The following ZNF124 variants were observed in gnomAD, a reference collection of about 807,000 sequenced individuals.
ZNF124 encodes the protein zinc finger protein 124, also known as zinc finger protein HZF-16.
A neutral mutation model predicts 26.6 loss-of-function variants in ZNF124; 25 were observed. The ratio of observed to expected loss-of-function variants is 0.94; its 90% CI spans 0.68 to 1.31. The LOEUF is 1.31. ZNF124 is among the 40% of genes most tolerant of loss of function. The pLI is 0.00. For missense variants in ZNF124, 444 were observed against 422.2 expected (o/e 1.05, Z -0.45); for synonymous variants, 129 against 133.3 (o/e 0.97, Z 0.22).
chr1:247,170,658 C>G lies in ZNF124; in HGVS notation c.30+1190G>C, dbSNP rs535506591. Among the ~76,000 whole-genome samples, 330 of 143,814 alleles carry G rather than the reference C, an allele frequency of 2.3e-3. 5 individuals are homozygous for G. The highest frequency in any genetic ancestry group is 8.6e-3 in the African/African-American group (303 of 35,400). The allele number at this position is 143,814 out of a possible 152,430, so 94.3% of individuals were successfully genotyped here. ...AACCCAGCTCCCCAAGTGAGCAATT[C>G]CTGTCCCTTTTAAGGGCTTACAACT... On this transcript the variant is annotated intron_variant, in intron 1 of 3. Transcript: ENST00000543802.
At chr1:247,163,088 C>G (rs1399339125) in intron 1 of ZNF124, among the ~76,000 whole-genome samples, 1 of 151,802 alleles carries the variant, frequency 6.6e-6, no homozygotes, top group Non-Finnish European at 1.5e-5. Context: ...AGGTAGAAAC[C>G]AAGAAATTAT....
chr1:247,158,451 C>G (rs1673278830), intron 3 of ZNF124, among the ~76,000 whole-genome samples: 1 of 152,168 alleles, frequency 6.6e-6, no homozygotes, highest in Non-Finnish European at 1.5e-5. Flanking sequence ...AAATAAAACT[C>G]TTCCTTATAA....
At chr1:247,161,550 TAGG>T (rs541462931) in intron 1 of ZNF124, among the ~76,000 whole-genome samples, 74 of 151,524 alleles carry the variant, frequency 4.9e-4, no homozygotes, top group African/African-American at 1.8e-3. Flanking sequence ...ATATTAAAAT[TAGG>T]AGAATTAAAA....
chr1:247,170,778 A>G (rs1015847238), intron 1 of ZNF124, among the ~76,000 whole-genome samples: 1 of 141,186 alleles, frequency 7.1e-6, no homozygotes, highest in Non-Finnish European at 1.5e-5. Flanking sequence ...ACGGAACAGA[A>G]CAGGACAGGG....
chr1:247,150,749 C>T (rs941621320), downstream of ZNF124, among the ~76,000 whole-genome samples: 4 of 151,146 alleles, frequency 2.6e-5, no homozygotes, highest in African/African-American at 9.7e-5. Context: ...AAATGGAATT[C>T]CTAGCCACAA....
chr1:247,138,858 T>C (rs1672555010), intron 3 of ZNF124: 2 of 397,324 alleles, frequency 5.0e-6, no homozygotes, highest in Non-Finnish European at 8.9e-6. Flanking sequence ...GGGAACTGCT[T>C]AGGGCAAACC....
rs542419543 is a variant in ZNF124, at chr1:247,126,107, A to G, written c.219-2236T>C. ...TGAAACCCGTCTCTACTAAAGATAC[A>G]AAAATTATTATTATATTGTACCCTA... On this transcript the variant is annotated intron_variant, in intron 3 of 3. Transcript: ENST00000472531. Among the ~76,000 whole-genome samples the G allele has an allele frequency of 2.6e-5, 4 of 152,290 alleles. No homozygotes were observed. The East Asian group carries it at 7.7e-4, about 29-fold the overall frequency.
intron 3 of ZNF124, among the ~76,000 whole-genome samples, chr1:247,158,663 CTT>C (rs768660825): frequency 9.3e-5 from 14 of 151,050 alleles, no homozygotes; most frequent in South Asian, 2.1e-4. Context: ...GTGTTTTGCT[CTT>C]GTTTCCCTGG....
At chr1:247,123,519 G>T in exon 4 of ZNF124, 3 of 230,448 alleles carry the variant, frequency 1.3e-5, no homozygotes, top group East Asian at 8.7e-5. Flanking sequence ...TTTGTTAATA[G>T]CTTTATTGGG....
downstream of ZNF124, among the ~76,000 whole-genome samples, chr1:247,154,391 CTG>C (rs1397833500): frequency 6.6e-6 from 1 of 152,186 alleles, no homozygotes; most frequent in Non-Finnish European, 1.5e-5. Context: ...TCTGCCAGGA[CTG>C]TAAGTTTCCT....
chr1:247,123,778 A>G (rs1032687633), exon 4 of ZNF124: 7 of 696,146 alleles, frequency 1.0e-5, no homozygotes, highest in Non-Finnish European at 1.8e-5. Context: ...TGGGCTTTGG[A>G]GTCACGAAGT....
intron 1 of ZNF124, among the ~76,000 whole-genome samples, chr1:247,161,091 T>C (rs769547756): frequency 2.6e-5 from 4 of 152,214 alleles, no homozygotes; most frequent in Non-Finnish European, 5.9e-5. Flanking sequence ...GAAACTACTT[T>C]TCAAAACCTA....
At chr1:247,140,585 T>C (rs1386883396) in intron 3 of ZNF124, among the ~76,000 whole-genome samples, 1 of 152,244 alleles carries the variant, frequency 6.6e-6, no homozygotes, top group Non-Finnish European at 1.5e-5. Flanking sequence ...TTCTTTCTCA[T>C]GTCTGCAGGT....
chr1:247,162,765 C>T (rs896743467), intron 1 of ZNF124, among the ~76,000 whole-genome samples: 3 of 152,074 alleles, frequency 2.0e-5, no homozygotes, highest in Admixed American at 1.3e-4. Flanking sequence ...CGTATGCACC[C>T]AACACAAGAG....
chr1:247,170,741 T>TGG (rs1440344533), intron 1 of ZNF124, among the ~76,000 whole-genome samples: 2 of 142,416 alleles, frequency 1.4e-5, no homozygotes, highest in East Asian at 4.1e-4. Flanking sequence ...GGTACATAAC[T>TGG]GGGGGCTGCA....
chr1:247,125,036 C>T (rs1310514586), intron 3 of ZNF124, among the ~76,000 whole-genome samples: 1 of 152,088 alleles, frequency 6.6e-6, no homozygotes, highest in African/African-American at 2.4e-5. Flanking sequence ...CTCCTGGGCT[C>T]AAGTGATCCA....
chr1:247,156,672 G>A lies in ZNF124; in HGVS notation c.950C>T (p.Pro317Leu). 8 of 1,612,848 alleles carry A rather than the reference G, an allele frequency of 5.0e-6. No individual in the cohort carries two copies. Among genetic ancestry groups the A allele is most frequent in the Non-Finnish European group, 6.8e-6 (8 of 1,179,648 alleles). ...DHERTHTGEK[P>L]YECQKCGKAF... ...TTTGCCACATTTCTGACATTCATAG[G>A]GTTTCTCTCCAGTATGAGTCCTTTC... is the stretch of plus-strand genomic sequence containing the variant. The change falls in exon 4 of 4, where the codon CCC becomes CTC. Residue 317 changes from proline (P) to leucine (L), a missense_variant. Transcript: ENST00000543802.
At chr1:247,172,127 TA>T (rs1156656620), upstream of ZNF124, 1 of 116,248 alleles carries the variant, frequency 8.6e-6, no homozygotes, top group Non-Finnish European at 1.7e-5. Context: ...CTCAGACTCT[TA>T]GTGACAGGTG....
chr1:247,134,698 C>T (rs2103101917), intron 3 of ZNF124, among the ~76,000 whole-genome samples: 1 of 152,248 alleles, frequency 6.6e-6, no homozygotes, highest in African/African-American at 2.4e-5. Context: ...ATCAATGAGA[C>T]AGAAAATTAG....
Sources: allele counts gnomAD v4.1 joint callset (sites outside exome capture counted in the v4.1 genomes callset), GRCh38; gene constraint gnomAD v4.1.1; transcripts MANE v1.5; gene names NCBI Gene and HGNC (gene_info 2026-07-23, HGNC 2026-07-21).